Variants in IFNGR1 observed in about 807,000 individuals in gnomAD.
IFNGR1 encodes the protein AVP, type 2.
Under a neutral mutation model 35.4 loss-of-function variants are expected in IFNGR1, and 23 were observed. That is an observed-to-expected ratio of 0.65 (90% CI 0.47 to 0.92). The LOEUF is 0.92. IFNGR1 is among the 40% of genes least tolerant of loss of function. IFNGR1 has a pLI of 0.00. For missense variants in IFNGR1, 533 were observed against 583.4 expected (o/e 0.91, Z 0.89); for synonymous variants, 199 against 209.5 (o/e 0.95, Z 0.43).
intron 1 of IFNGR1, among the ~76,000 whole-genome samples, chr6:137,208,566 A>G (rs1347804001): frequency 6.6e-6 from 1 of 152,244 alleles, no homozygotes; most frequent in African/African-American, 2.4e-5. Context: ...CATATAGCTC[A>G]GGCTGTGGCT....
Position 137,203,481 on chromosome 6 carries a change from A to G in IFNGR1, c.733+18T>C, listed in dbSNP as rs1370632266. The G allele has an allele frequency of 7.2e-7, 1 of 1,396,374 alleles. No homozygotes were observed. Among genetic ancestry groups the G allele is most frequent in the Non-Finnish European group, 1.0e-6 (1 of 981,660 alleles). The allele number at this position is 1,396,374 out of a possible 1,614,324, so 86.5% of individuals were successfully genotyped here. The stretch of plus-strand genomic sequence containing the variant: ...TACTGCTCCCTCTATATTTAGAAAA[A>G]AAATGGCAAGAACTTACCTTTTATA... On this transcript the variant is annotated intron_variant, in intron 5 of 6. Coordinates refer to ENST00000367739, the MANE Select transcript of IFNGR1 (RefSeq NM_000416.3).
Position 137,198,218 on chromosome 6 carries a change from G to A in IFNGR1, c.1283C>T (p.Ser428Leu). ...ACCTTTATTATTTGGGGGAAATTCT[G>A]AGTCAGATAAGGAGCTATGTGATTC... ...CLESHSSLSD[S>L]EFPPNNKGEI... The change falls in exon 7 of 7, where the codon TCA (serine) becomes TTA (leucine). Residue 428 changes from serine to leucine, a missense_variant. Coordinates refer to ENST00000367739, the MANE Select transcript of IFNGR1 (RefSeq NM_000416.3). 1 of 1,614,058 alleles carries A rather than the reference G, an allele frequency of 6.2e-7. No individual in the cohort carries two copies. Among genetic ancestry groups the A allele is most frequent in the South Asian group, 1.1e-5 (1 of 91,084 alleles).
chr6:137,212,799 T>TA (rs1779607231), intron 1 of IFNGR1, among the ~76,000 whole-genome samples: 1 of 152,328 alleles, frequency 6.6e-6, no homozygotes, highest in Admixed American at 6.5e-5. Flanking sequence ...ATAATTTAAG[T>TA]AAAAGCCTGA....
rs373456911 is a variant in IFNGR1 at position 137,207,082 on chromosome 6, A to G, written c.86-5T>C. The G allele has an allele frequency of 1.2e-4, 194 of 1,613,664 alleles. No homozygotes were observed. The highest frequency in any genetic ancestry group is 3.3e-4 in the Middle Eastern group (2 of 6,080). ...TAACATTAGTTGGTGTAGGCACTGT[A>G]AGAAAATAAAAAAGTAAAAGGGACA... On this transcript the variant is annotated splice_polypyrimidine_tract_variant and splice_region_variant and intron_variant, in intron 1 of 6. Transcript: ENST00000367739.
chr6:137,200,566 T>A lies in IFNGR1; in HGVS notation c.861+315A>T, dbSNP rs138816866. On this transcript the variant is annotated intron_variant, in intron 6 of 6. Transcript: ENST00000367739. Reference sequence around the variant, plus strand: ...ACCCCAAAGCTGGACAAAGTCCTCATGGGCTCAGGTATAAATCTTTGAATC... The same window carrying A: ...ACCCCAAAGCTGGACAAAGTCCTCAAGGGCTCAGGTATAAATCTTTGAATC... 2.1e-3 allele frequency among the ~76,000 whole-genome samples: 326 copies of A among 152,340 alleles called. 2 individuals are homozygous for A. Among genetic ancestry groups the A allele is most frequent in the African/African-American group, 6.9e-3 (287 of 41,578 alleles).
chr6:137,199,080 A>C (rs1779174022), intron 6 of IFNGR1, among the ~76,000 whole-genome samples: 1 of 151,710 alleles, frequency 6.6e-6, no homozygotes, highest in South Asian at 2.1e-4. Flanking sequence ...AAAATGTGAA[A>C]AGAGAGACTG....
In IFNGR1 at chr6:137,197,795, G is replaced by A. The variant is rs986289097; in HGVS notation, c.*236C>T. ...TCCGTTACTGGTAACCTATCTGGAT[G>A]TAAAGGTTCATAAGTTACAATGCTT... On this transcript the variant is annotated 3_prime_UTR_variant, in exon 7 of 7. Transcript: ENST00000367739. 2.1e-6 allele frequency: 1 copy of A among 468,510 alleles called. No individual in the cohort carries two copies. Among genetic ancestry groups the A allele is most frequent in the Non-Finnish European group, 3.8e-6 (1 of 260,390 alleles). 29.0% of individuals were successfully genotyped at this position (468,510 alleles called of 1,614,324 possible).
intron 6 of IFNGR1, among the ~76,000 whole-genome samples, chr6:137,199,303 A>G (rs1009238084): frequency 7.5e-6 from 1 of 134,214 alleles, no homozygotes; most frequent in African/African-American, 2.8e-5. Context: ...AAATATAATT[A>G]ATATATATTA....
In IFNGR1 at chr6:137,219,303, G is replaced by C. The variant is rs777571593; in HGVS notation, c.25C>G (p.Leu9Val). 3 of 1,610,862 alleles carry C rather than the reference G, an allele frequency of 1.9e-6. No homozygotes were observed. The South Asian group carries it at 3.3e-5, about 18-fold the overall frequency. Residue 9 changes from leucine to valine, a missense_variant, in exon 1 of 7, where the codon CTT becomes GTT. Leu to Val is a conservative substitution (Grantham distance 32). Coordinates refer to ENST00000367739, the MANE Select transcript of IFNGR1 (RefSeq NM_000416.3). ...GCCCTGCTCACACCCTGCATGACAA[G>C]GGGTAGGAGAAAGAGGAGAGCCATG... MALLFLLP[L>V]VMQGVSRAEM... is the part of the protein sequence containing the mutation.
intron 5 of IFNGR1, among the ~76,000 whole-genome samples, chr6:137,202,247 C>G (rs1779294287): frequency 6.6e-6 from 1 of 152,218 alleles, no homozygotes; most frequent in Admixed American, 6.5e-5. Flanking sequence ...GGCAAGCAGG[C>G]AGGGCTGCTG....
intron 1 of IFNGR1, among the ~76,000 whole-genome samples, chr6:137,214,046 A>C (rs1340275121): frequency 6.6e-6 from 1 of 152,230 alleles, no homozygotes; most frequent in African/African-American, 2.4e-5. Context: ...GTGAGGATGA[A>C]GTAAACTGTT....
intron 1 of IFNGR1, chr6:137,218,526 C>A (rs1294201719): frequency 1.6e-6 from 2 of 1,289,072 alleles, no homozygotes; most frequent in Admixed American, 4.6e-5. Flanking sequence ...ACTTACTTCT[C>A]AGCTGCCACT....
intron 2 of IFNGR1, 98 bp from the exon 3 acceptor site, chr6:137,206,406 C>T (rs764663959): frequency 6.7e-5 from 59 of 885,658 alleles, no homozygotes; most frequent in Non-Finnish European, 1.0e-4. Context: ...CAGCACAAAG[C>T]GGTAGAAAGA....
chr6:137,219,140 C>T (rs1190134922), intron 1 of IFNGR1, 103 bp downstream of exon 1: 63 of 1,468,700 alleles, frequency 4.3e-5, no homozygotes, highest in Non-Finnish European at 5.6e-5. Flanking sequence ...GGGTCCCGGG[C>T]TAGGGCGACC....
chr6:137,208,221 T>C (rs1191954597), intron 1 of IFNGR1, among the ~76,000 whole-genome samples: 1 of 152,184 alleles, frequency 6.6e-6, no homozygotes, highest in African/African-American at 2.4e-5. Flanking sequence ...GTTAAAGGCA[T>C]TCAGTTTTAT....
rs754779431 is a variant in IFNGR1 at position 137,206,183 on chromosome 6, T to C, written c.326A>G (p.Lys109Arg). Residue 109 changes from lysine to arginine, a missense_variant, in exon 3 of 7, where the codon AAA becomes AGA. Physicochemically the swap from Lys to Arg is conservative, Grantham distance 26. Transcript: ENST00000367739. Reference protein sequence around the residue: ...WVRVKARVGQKESAYAKSEEF... With the variant: ...WVRVKARVGQRESAYAKSEEF... ...TTCTGACTTTGCATAGGCAGATTCT[T>C]TTTGTCCAACCCTGGCTTTAACTCT... The C allele has an allele frequency of 2.5e-6, 4 of 1,614,150 alleles. No homozygotes were observed. The Admixed American group carries it at 5.0e-5, about 20-fold the overall frequency.
At chr6:137,209,090 A>T (rs991445852) in intron 1 of IFNGR1, among the ~76,000 whole-genome samples, 21 of 152,180 alleles carry the variant, frequency 1.4e-4, no homozygotes, top group Non-Finnish European at 1.3e-4. Flanking sequence ...ATGGACTTGC[A>T]TGGGCTCTAT....
chr6:137,202,600 TATACACACACACACAC>T (rs1765844705), intron 5 of IFNGR1, among the ~76,000 whole-genome samples: 1 of 104,362 alleles, frequency 9.6e-6, no homozygotes, highest in African/African-American at 4.1e-5. Context: ...AAAATATATG[TATACACACACACACAC>T]ACACACACAC....
chr6:137,204,329 T>G lies in IFNGR1; in HGVS notation c.546+3A>C, dbSNP rs1779373535. ...TCCATTATGAAAAATGTGAAACACATACCTCACTTCCGTTCATTCTCACAT... is the reference window on the plus strand; with the variant it reads ...TCCATTATGAAAAATGTGAAACACAGACCTCACTTCCGTTCATTCTCACAT... On this transcript the variant is annotated splice_donor_region_variant and intron_variant, in intron 4 of 6. Coordinates refer to ENST00000367739, the MANE Select transcript of IFNGR1 (RefSeq NM_000416.3). 6.2e-7 allele frequency: 1 copy of G among 1,612,364 alleles called. No homozygotes were observed. Among genetic ancestry groups the G allele is most frequent in the Non-Finnish European group, 8.5e-7 (1 of 1,178,530 alleles).
Sources: gnomAD v4.1 joint callset for allele counts (sites outside exome capture counted in the v4.1 genomes callset) on GRCh38, gnomAD v4.1.1 for gene constraint, MANE v1.5 for transcripts, NCBI Gene and HGNC (gene_info 2026-07-23, HGNC 2026-07-21) for gene names.